Variants in RCL1 observed in about 807,000 individuals in gnomAD.
The protein encoded by RCL1 is RNA 3'-terminal phosphate cyclase-like protein.
RCL1 carries 24 observed loss-of-function variants against 42.4 expected under a neutral mutation model. The ratio of observed to expected loss-of-function variants is 0.57; its 90% CI spans 0.41 to 0.80. The LOEUF (loss-of-function observed/expected upper bound fraction) is 0.80. Among genes scored for constraint, RCL1 ranks in the 30% least tolerant of loss-of-function variants. RCL1 has a pLI of 0.00. For synonymous variants in RCL1, 228 were observed against 177.3 expected, an observed-to-expected ratio of 1.29 and a Z score of -2.27; for missense variants, 578 against 467.9, an observed-to-expected ratio of 1.24 and a Z score of -2.17.
At chr9:4,826,747 A>G (rs947567022) in intron 2 of RCL1, 111 bp from the exon 3 acceptor site, 20 of 897,122 alleles carry the variant, frequency 2.2e-5, no homozygotes, top group South Asian at 8.3e-5. Flanking sequence ...CATTTCGAGC[A>G]CTCTTGGATG....
chr9:4,858,524 G>C (rs1818039939), intron 8 of RCL1, among the ~76,000 whole-genome samples: 1 of 152,080 alleles, frequency 6.6e-6, no homozygotes, highest in African/African-American at 2.4e-5. Flanking sequence ...GATCTCTTTT[G>C]GGTTAAGTTT....
intron 1 of RCL1, among the ~76,000 whole-genome samples, chr9:4,798,081 G>C (rs937298559): frequency 2.0e-5 from 3 of 152,214 alleles, no homozygotes; most frequent in Admixed American, 1.3e-4. Flanking sequence ...AGTTGGTGAA[G>C]ACAAACGTGT....
At position 4,860,370 on chromosome 9, in the gene RCL1, A is replaced by G. The variant is rs951186759; in HGVS notation, c.*95A>G. Reference sequence around the variant, plus strand: ...AAGTCCAAATGGATTAATCCAGGACAGAATAGCCACTTGCTTAATTTTCTG... The same window carrying G: ...AAGTCCAAATGGATTAATCCAGGACGGAATAGCCACTTGCTTAATTTTCTG... On this transcript the variant is annotated 3_prime_UTR_variant, in exon 9 of 9. Transcript: ENST00000381750. The G allele has an allele frequency of 3.1e-6, 4 of 1,277,026 alleles. No homozygotes were observed. The highest frequency in any genetic ancestry group is 4.3e-6 in the Non-Finnish European group (4 of 934,192). The allele number at this position is 1,277,026 out of a possible 1,614,324, so 79.1% of individuals were successfully genotyped here.
intron 1 of RCL1, among the ~76,000 whole-genome samples, chr9:4,811,818 A>G (rs932132516): frequency 6.6e-6 from 1 of 152,126 alleles, no homozygotes; most frequent in African/African-American, 2.4e-5. Flanking sequence ...TTCCACCAAC[A>G]GTGTATTTAA....
At chr9:4,817,737 T>G (rs1816434948) in intron 1 of RCL1, among the ~76,000 whole-genome samples, 1 of 152,096 alleles carries the variant, frequency 6.6e-6, no homozygotes, top group African/African-American at 2.4e-5. Flanking sequence ...GCTCAAGTAA[T>G]TTGCCTGCCT....
chr9:4,834,127 C>T lies in RCL1; in HGVS notation c.460-14C>T. 1 of 1,610,172 alleles carries T rather than the reference C, an allele frequency of 6.2e-7. No individual in the cohort carries two copies. Among genetic ancestry groups the T allele is most frequent in the Non-Finnish European group, 8.5e-7 (1 of 1,177,992 alleles). ...TGCTGCATCCTCGCCTCATCTTTCT[C>T]ACTCTCTGTGTAGATTGTGCGACGG... On this transcript the variant is annotated splice_polypyrimidine_tract_variant and intron_variant, in intron 4 of 8. Coordinates refer to ENST00000381750, the MANE Select transcript of RCL1 (RefSeq NM_005772.5).
chr9:4,808,644 G>A (rs1816063811), intron 1 of RCL1, among the ~76,000 whole-genome samples: 1 of 152,152 alleles, frequency 6.6e-6, no homozygotes, highest in Non-Finnish European at 1.5e-5. Context: ...GTAAAATAGG[G>A]ATAGAGAGGG....
chr9:4,860,175 T>C lies in RCL1; in HGVS notation c.1022T>C (p.Ile341Thr), dbSNP rs1818120382. ...AGCTTTTTCCAGATTATGTTTAAAA[T>C]TGAAACCAAGCCATGTGGTGAAGAA... ...LKSFFQIMFKIETKPCGEELK... is the reference protein window; with the variant it reads ...LKSFFQIMFKTETKPCGEELK... Residue 341 changes from isoleucine to threonine, a missense_variant, in exon 9 of 9, where the codon ATT becomes ACT. Physicochemically the swap from Ile to Thr is moderately conservative, Grantham distance 89 (BLOSUM62 -1). Coordinates refer to ENST00000381750, the MANE Select transcript of RCL1 (RefSeq NM_005772.5). 1.9e-6 allele frequency: 3 copies of C among 1,610,684 alleles called. No individual in the cohort carries two copies. The highest frequency in any genetic ancestry group is 2.5e-6 in the Non-Finnish European group (3 of 1,178,568).
chr9:4,800,217 T>C (rs188502493), intron 1 of RCL1, among the ~76,000 whole-genome samples: 1 of 152,084 alleles, frequency 6.6e-6, no homozygotes, highest in African/African-American at 2.4e-5. Flanking sequence ...TTTTCTTTTT[T>C]TTTTTATTTT....
chr9:4,807,807 C>T (rs538406119), intron 1 of RCL1, among the ~76,000 whole-genome samples: 31 of 152,348 alleles, frequency 2.0e-4, no homozygotes, highest in African/African-American at 7.2e-4. Flanking sequence ...GCGTGAGCCC[C>T]CGCGCCTGGC....
At chr9:4,819,467 A>G (rs1192224098) in intron 1 of RCL1, among the ~76,000 whole-genome samples, 2 of 152,184 alleles carry the variant, frequency 1.3e-5, no homozygotes, top group Admixed American at 6.5e-5. Flanking sequence ...ATATATGTAC[A>G]CTTGTTCTTT....
intron 6 of RCL1, among the ~76,000 whole-genome samples, chr9:4,843,399 C>G (rs866509658): frequency 6.6e-6 from 1 of 151,722 alleles, no homozygotes; most frequent in South Asian, 2.1e-4. Context: ...TTAATTGGGT[C>G]CTTTACCAAG....
intron 7 of RCL1, among the ~76,000 whole-genome samples, chr9:4,845,113 C>A (rs1033127609): frequency 6.6e-6 from 1 of 152,142 alleles, no homozygotes; most frequent in East Asian, 1.9e-4. Flanking sequence ...TTGTATGTGA[C>A]AGTTGATTCA....
At chr9:4,821,802 C>G (rs980054159) in intron 1 of RCL1, among the ~76,000 whole-genome samples, 1 of 152,146 alleles carries the variant, frequency 6.6e-6, no homozygotes, top group Non-Finnish European at 1.5e-5. Flanking sequence ...TTATAGCAGC[C>G]CACTCTTGTG....
At chr9:4,855,425 T>C (rs1340285038) in intron 8 of RCL1, among the ~76,000 whole-genome samples, 6 of 151,962 alleles carry the variant, frequency 3.9e-5, no homozygotes, top group African/African-American at 1.5e-4. Context: ...TCCAGTGTAG[T>C]GCTGTGGAAG....
At chr9:4,830,453 G>T (rs1816908195) in intron 3 of RCL1, among the ~76,000 whole-genome samples, 1 of 152,160 alleles carries the variant, frequency 6.6e-6, no homozygotes, top group Non-Finnish European at 1.5e-5. Context: ...TGAAGAGGAA[G>T]AAGACATTTT....
At chr9:4,849,724 G>A (rs764813507) in intron 8 of RCL1, among the ~76,000 whole-genome samples, 174 bp downstream of exon 8, 3 of 152,142 alleles carry the variant, frequency 2.0e-5, no homozygotes, top group Non-Finnish European at 4.4e-5. Flanking sequence ...TACATACAAG[G>A]ATTTTTGCAT....
chr9:4,830,928 C>T (rs952431221), intron 3 of RCL1, among the ~76,000 whole-genome samples: 7 of 152,086 alleles, frequency 4.6e-5, no homozygotes, highest in South Asian at 2.1e-4. Flanking sequence ...CAGAGTGGAC[C>T]GATCACTTTC....
chr9:4,832,610 C>A (rs1401410759), intron 3 of RCL1, among the ~76,000 whole-genome samples: 2 of 151,810 alleles, frequency 1.3e-5, no homozygotes, highest in Non-Finnish European at 2.9e-5. Context: ...GAGATTGAGA[C>A]CATCCTGGCC....
Sources: allele counts gnomAD v4.1 joint callset (sites outside exome capture counted in the v4.1 genomes callset), GRCh38; gene constraint gnomAD v4.1.1; transcripts MANE v1.5; gene names NCBI Gene and HGNC (gene_info 2026-07-23, HGNC 2026-07-21).